Variants in DNAH9 observed in about 807,000 individuals in gnomAD.
DNAH9 encodes the protein dynein axonemal heavy chain 9.
A neutral mutation model predicts 471.6 loss-of-function variants in DNAH9; 345 were observed. That is an observed-to-expected ratio of 0.73 (90% CI 0.67 to 0.80). The LOEUF (loss-of-function observed/expected upper bound fraction) is 0.80. Among genes scored for constraint, DNAH9 ranks in the 30% least tolerant of loss-of-function variants. The pLI is 0.00. For synonymous variants in DNAH9, 2,093 were observed against 2,123.6 expected, an observed-to-expected ratio of 0.99 and a Z score of 0.40; for missense variants, 5,407 against 5,609.2, an observed-to-expected ratio of 0.96 and a Z score of 1.15.
chr17:11,711,814 A>C (rs779323091), intron 26 of DNAH9, among the ~76,000 whole-genome samples: 2 of 140,534 alleles, frequency 1.4e-5, no homozygotes, highest in African/African-American at 2.6e-5. Flanking sequence ...TCTGAATGTG[A>C]TCTCTGGGTC....
At chr17:11,601,645 C>A (rs921432850) in intron 1 of DNAH9, among the ~76,000 whole-genome samples, 2 of 152,066 alleles carry the variant, frequency 1.3e-5, no homozygotes. Context: ...TATTCCATAC[C>A]CTGAAGCTGA....
intron 24 of DNAH9, among the ~76,000 whole-genome samples, chr17:11,703,022 G>A (rs1207329923): frequency 6.6e-6 from 1 of 151,888 alleles, no homozygotes; most frequent in Non-Finnish European, 1.5e-5. Context: ...GAACCCGGGA[G>A]GCGGAGCTTG....
At chr17:11,882,945 C>T (rs1342394815) in intron 55 of DNAH9, 2 of 985,368 alleles carry the variant, frequency 2.0e-6, no homozygotes, top group Non-Finnish European at 2.4e-6. Flanking sequence ...GTGGTTGGAA[C>T]CTCCAACAGG....
chr17:11,804,163 T>G (rs918664664), intron 43 of DNAH9, among the ~76,000 whole-genome samples: 2 of 152,216 alleles, frequency 1.3e-5, no homozygotes, highest in African/African-American at 4.8e-5. Flanking sequence ...AAGAGAAGTG[T>G]AAATCTATCT....
rs750802409 is a variant in DNAH9 at position 11,610,468 on chromosome 17, G to T, written c.687G>T (p.Gln229His). 1 of 1,613,776 alleles carries T rather than the reference G, an allele frequency of 6.2e-7. No homozygotes were observed. Among genetic ancestry groups the T allele is most frequent in the South Asian group, 1.1e-5 (1 of 91,070 alleles). ...SAVIKWSYQV[Q>H]VVLKRESSQP... is the part of the protein sequence containing the mutation. ...TGATCAAATGGAGCTACCAAGTCCA[G>T]GTGGTACTCAAGAGAGAGTCTTCCC... Residue 229 changes from glutamine to histidine, a missense_variant, in exon 3 of 69, where the codon CAG becomes CAT. Around this residue, in one of 3 missense-constraint regions of DNAH9, gnomAD observed 767 missense variants for 692.5 expected, o/e 1.11. Coordinates refer to ENST00000262442, the MANE Select transcript of DNAH9 (RefSeq NM_001372.4).
At chr17:11,821,897 A>T in intron 45 of DNAH9, 23 bp from the exon 46 acceptor site, 3 of 1,602,628 alleles carry the variant, frequency 1.9e-6, no homozygotes, top group Non-Finnish European at 2.6e-6. Context: ...AAGGCTGCCT[A>T]TCTGTGCTCC....
At chr17:11,744,426 C>T (rs1186916719) in intron 30 of DNAH9, among the ~76,000 whole-genome samples, 1 of 152,202 alleles carries the variant, frequency 6.6e-6, no homozygotes, top group Non-Finnish European at 1.5e-5. Flanking sequence ...CAAGGTGGCA[C>T]ATGTAAGCTC....
intron 68 of DNAH9, among the ~76,000 whole-genome samples, chr17:11,965,942 T>C (rs990055609): frequency 6.6e-6 from 1 of 151,382 alleles, no homozygotes; most frequent in African/African-American, 2.4e-5. Context: ...AATGAGAAAA[T>C]GAAGAGTCTC....
At chr17:11,605,517 G>A (rs139259362) in intron 1 of DNAH9, among the ~76,000 whole-genome samples, 165 of 151,598 alleles carry the variant, frequency 1.1e-3, no homozygotes, top group African/African-American at 3.3e-3. Flanking sequence ...TTGTTGTTTC[G>A]AGACAGGGTC....
chr17:11,719,511 C>A (rs1567747311), intron 27 of DNAH9, 21 bp downstream of exon 27: 1 of 1,082,616 alleles, frequency 9.2e-7, no homozygotes, highest in Admixed American at 1.8e-5. Flanking sequence ...ACCCGGCTTC[C>A]TGGGGGTGGG....
intron 61 of DNAH9, among the ~76,000 whole-genome samples, chr17:11,906,784 G>C (rs990367636): frequency 5.9e-5 from 9 of 151,968 alleles, no homozygotes; most frequent in Admixed American, 5.9e-4. Context: ...ACCAAACACC[G>C]AACGTTCTCA....
chr17:11,822,473 A>C lies in DNAH9; in HGVS notation c.8886A>C (p.Leu2962=). The C allele has an allele frequency of 6.2e-7, 1 of 1,614,112 alleles. No homozygotes were observed. The highest frequency in any genetic ancestry group is 1.7e-5 in the Admixed American group (1 of 60,010). ...TLCFSPVGNK[L]RVRSRKFPAI... is the part of the protein sequence containing the mutation. ...GTTTCTCCCCTGTGGGAAACAAGCT[A>C]AGAGTCCGCAGCAGGAAGTTCCCAG... The change falls in exon 47 of 69, where the codon CTA becomes CTC. Residue 2962 remains leucine, a synonymous_variant. Transcript: ENST00000262442.
At chr17:11,731,022 GAT>G (rs1430390406) in intron 28 of DNAH9, among the ~76,000 whole-genome samples, 23 of 151,860 alleles carry the variant, frequency 1.5e-4, no homozygotes, top group African/African-American at 4.8e-4. Flanking sequence ...TGATGGTGGT[GAT>G]GATGATGGTG....
intron 4 of DNAH9, among the ~76,000 whole-genome samples, chr17:11,613,914 G>A (rs1037139173): frequency 3.3e-5 from 5 of 152,274 alleles, no homozygotes; most frequent in African/African-American, 1.2e-4. Flanking sequence ...TAGATCAATA[G>A]ACTATAATTA....
chr17:11,651,329 CAG>C lies in DNAH9; in HGVS notation c.2353+6_2353+7del, dbSNP rs773497510. On this transcript the variant is annotated splice_donor_region_variant and intron_variant, in intron 13 of 68. Coordinates refer to ENST00000262442, the MANE Select transcript of DNAH9 (RefSeq NM_001372.4). ...CTTTGAACTGGAAAACAGAAGGTAA[CAG>C]GGCACCATCTGAAGTCTGACAAAAA... 3.5e-5 allele frequency: 57 copies of C among 1,610,224 alleles called. No individual in the cohort carries two copies. Among genetic ancestry groups the C allele is most frequent in the Non-Finnish European group, 4.3e-5 (51 of 1,178,712 alleles).
chr17:11,626,237 T>G lies in DNAH9; in HGVS notation c.1351-3180T>G, dbSNP rs558889633. Among the ~76,000 whole-genome samples, 91 of 152,250 alleles carry G rather than the reference T, an allele frequency of 6.0e-4. No individual in the cohort carries two copies. Among genetic ancestry groups the G allele is most frequent in the Non-Finnish European group, 9.7e-4 (66 of 68,054 alleles). On this transcript the variant is annotated intron_variant, in intron 6 of 68. Transcript: ENST00000262442. The surrounding 1 kb of genome is among the most constrained non-coding windows in gnomAD (Gnocchi z 4.3). ...AAATAGATATTTAAAAAATATCATT[T>G]AAACTTCTTATTGATTTAAATTGCC...
chr17:11,883,485 A>G, intron 55 of DNAH9, 101 bp from the exon 56 acceptor site: 1 of 1,422,176 alleles, frequency 7.0e-7, no homozygotes. Context: ...CCTCCACTTT[A>G]CTATCTTTAA....
chr17:11,751,819 A>G (rs996735946), intron 32 of DNAH9, among the ~76,000 whole-genome samples: 1 of 152,120 alleles, frequency 6.6e-6, no homozygotes, highest in Admixed American at 6.5e-5. Flanking sequence ...GTTGTTTATT[A>G]TGCAACTTTA....
At chr17:11,856,081 A>G (rs1971615399) in intron 50 of DNAH9, among the ~76,000 whole-genome samples, 1 of 152,152 alleles carries the variant, frequency 6.6e-6, no homozygotes, top group Admixed American at 6.5e-5. Context: ...GAGCGTGACT[A>G]TAACTGCTCA....
Sources: allele counts gnomAD v4.1 joint callset (sites outside exome capture counted in the v4.1 genomes callset), GRCh38; gene constraint gnomAD v4.1.1; regional missense constraint gnomAD v4.1.1; non-coding constraint Gnocchi (gnomAD v3.1); transcripts MANE v1.5; gene names NCBI Gene and HGNC (gene_info 2026-07-23, HGNC 2026-07-21).